TNNI3K: variants seen among roughly 807,000 people sequenced by gnomAD.
The protein encoded by TNNI3K is serine/threonine-protein kinase TNNI3K.
Under a neutral mutation model 114.5 loss-of-function variants are expected in TNNI3K, and 140 were observed. The observed-to-expected ratio is 1.22, with a 90% CI of 1.07 to 1.41. The LOEUF (loss-of-function observed/expected upper bound fraction) is 1.41, where lower values mean the gene tolerates loss of function less well. TNNI3K is among the 40% of genes most tolerant of loss of function. The probability of loss-of-function intolerance (pLI) is 0.00; values close to 1 mark genes in which losing one functional copy is unlikely to be tolerated. For synonymous variants in TNNI3K, 347 were observed against 347.5 expected, an observed-to-expected ratio of 1.00 and a Z score of 0.02; for missense variants, 1,125 against 1,007.6, an observed-to-expected ratio of 1.12 and a Z score of -1.58.
chr1:74,353,957 C>A, intron 10 of TNNI3K, 23 bp from the exon 11 acceptor site: 1 of 1,582,050 alleles, frequency 6.3e-7, no homozygotes, highest in Middle Eastern at 1.7e-4. Context: ...TCCTTTTGTT[C>A]TTTCAATTCT....
In TNNI3K at chr1:74,474,143, A is replaced by G. The variant is rs147380595; in HGVS notation, c.2121+10593A>G. Among the ~76,000 whole-genome samples the G allele has an allele frequency of 6.4e-4, 98 of 152,332 alleles. No homozygotes were observed. In the East Asian group the frequency reaches 7.3e-3, roughly 11 times the overall value. On this transcript the variant is annotated intron_variant, in intron 21 of 24. Transcript: ENST00000326637. ...ACAGACTGGGTTTTAAATGGTTAAA[A>G]GAGCACATCCCCTTCAGTTATAGGA...
intron 21 of TNNI3K, chr1:74,470,048 T>C (rs1667849348): frequency 2.5e-6 from 1 of 400,734 alleles, no homozygotes; most frequent in African/African-American, 2.0e-5. Context: ...GCTTCATGTG[T>C]CTCCACTGTC....
chr1:74,444,835 C>T (rs1219527123), intron 20 of TNNI3K, among the ~76,000 whole-genome samples: 1 of 150,258 alleles, frequency 6.7e-6, no homozygotes, highest in Non-Finnish European at 1.5e-5. Context: ...AAAAAAGACA[C>T]ATAGACCAAT....
chr1:74,489,626 T>A (rs924712069), intron 22 of TNNI3K, among the ~76,000 whole-genome samples: 1 of 152,216 alleles, frequency 6.6e-6, no homozygotes, highest in Non-Finnish European at 1.5e-5. Context: ...TTACATTCAA[T>A]GCGAAAAGAA....
chr1:74,334,010 C>G (rs901752845), intron 6 of TNNI3K, among the ~76,000 whole-genome samples: 3 of 152,180 alleles, frequency 2.0e-5, no homozygotes, highest in Non-Finnish European at 4.4e-5. Flanking sequence ...TGCACATGCT[C>G]CAAGTTGGGG....
chr1:74,430,656 A>G (rs527439383), intron 17 of TNNI3K, among the ~76,000 whole-genome samples: 1 of 152,168 alleles, frequency 6.6e-6, no homozygotes, highest in Non-Finnish European at 1.5e-5. Flanking sequence ...ATTATTGTGG[A>G]GTAATCTGTG....
chr1:74,463,404 G>A, intron 20 of TNNI3K, 37 bp from the exon 21 acceptor site: 1 of 1,608,744 alleles, frequency 6.2e-7, no homozygotes, highest in Non-Finnish European at 8.5e-7. Context: ...AAATAAACAT[G>A]TGAATTTCAA....
chr1:74,542,070 A>G (rs1646733581), intron 24 of TNNI3K, among the ~76,000 whole-genome samples: 1 of 152,202 alleles, frequency 6.6e-6, no homozygotes, highest in Admixed American at 6.5e-5. Flanking sequence ...GTCAAATTTC[A>G]GTTGAGTTCT....
chr1:74,355,516 A>G (rs1661606381), intron 11 of TNNI3K, among the ~76,000 whole-genome samples: 1 of 152,166 alleles, frequency 6.6e-6, no homozygotes, highest in Admixed American at 6.5e-5. Context: ...AGGCAGGAGA[A>G]TCATTTGAAC....
In TNNI3K at chr1:74,452,176, G is replaced by T. The variant is rs145552629; in HGVS notation, c.2012-11265G>T. Among the ~76,000 whole-genome samples the T allele has an allele frequency of 2.9e-3, 440 of 152,158 alleles. 3 individuals are homozygous for T. Among genetic ancestry groups the T allele is most frequent in the African/African-American group, 9.3e-3 (386 of 41,510 alleles). ...ACTCTCAGTATGTTGCATTTCATCT[G>T]ACCTCTAGGCATTTTCACAAGTTCT... On this transcript the variant is annotated intron_variant, in intron 20 of 24. Transcript: ENST00000326637.
Position 74,512,132 on chromosome 1 carries a change from C to T in TNNI3K, c.2351+19866C>T, listed in dbSNP as rs1570724369. On this transcript the variant is annotated intron_variant, in intron 23 of 24. Coordinates refer to ENST00000326637, the MANE Select transcript of TNNI3K (RefSeq NM_015978.3). ...GGGACTGGATATAGCAGCCACCAGT[C>T]TTTATTGAAATAGCCCTGGGGCATG... Among the ~76,000 whole-genome samples the T allele has an allele frequency of 2.0e-5, 3 of 152,134 alleles. No individual in the cohort carries two copies. The South Asian group carries it at 6.2e-4, about 31-fold the overall frequency.
intron 1 of TNNI3K, among the ~76,000 whole-genome samples, chr1:74,235,869 A>G (rs543222233): frequency 9.4e-4 from 143 of 151,554 alleles, no homozygotes; most frequent in Non-Finnish European, 1.8e-3. Context: ...AGTCAAATAT[A>G]TTTTTCTATG....
chr1:74,416,339 A>G (rs565391213), intron 17 of TNNI3K: 1 of 985,232 alleles, frequency 1.0e-6, no homozygotes, highest in East Asian at 1.1e-4. Flanking sequence ...GTGACGGGCT[A>G]CACTAATGAT....
intron 21 of TNNI3K, among the ~76,000 whole-genome samples, chr1:74,485,621 A>G (rs1022102946): frequency 6.6e-6 from 1 of 152,216 alleles, no homozygotes; most frequent in Admixed American, 6.6e-5. Flanking sequence ...ATGTTTCATC[A>G]TATGACTAAA....
rs186162038 is a variant in TNNI3K, at chr1:74,460,098, C to T, written c.2012-3343C>T. Among the ~76,000 whole-genome samples, 275 of 149,480 alleles carry T rather than the reference C, an allele frequency of 1.8e-3. 5 individuals are homozygous for T. The highest frequency in any genetic ancestry group is 0.015 in the Admixed American group (228 of 15,056). On this transcript the variant is annotated intron_variant, in intron 20 of 24. Coordinates refer to ENST00000326637, the MANE Select transcript of TNNI3K (RefSeq NM_015978.3). The stretch of plus-strand genomic sequence containing the variant: ...ATATAACTTTTTTTTTTTTTTGAGA[C>T]GGAGTCTTGCTCTGTCGCCCAGGCT...
At chr1:74,291,455 G>A (rs114956392) in intron 5 of TNNI3K, among the ~76,000 whole-genome samples, 2,137 of 151,586 alleles carry the variant, frequency 0.014, 54 homozygotes, top group African/African-American at 0.05. Flanking sequence ...AAGGTTCTAA[G>A]CACATTATAC....
intron 5 of TNNI3K, among the ~76,000 whole-genome samples, chr1:74,325,780 A>C (rs1659868061): frequency 1.3e-5 from 2 of 152,192 alleles, no homozygotes; most frequent in Non-Finnish European, 2.9e-5. Context: ...GGGGACCATA[A>C]TTGAGAACTG....
chr1:74,466,102 A>T (rs1319124375), intron 21 of TNNI3K, among the ~76,000 whole-genome samples: 1 of 152,236 alleles, frequency 6.6e-6, no homozygotes, highest in East Asian at 1.9e-4. Context: ...CGAACCCACC[A>T]GAAGGAAGAA....
At chr1:74,236,282 T>C (rs1653854616) in intron 2 of TNNI3K, 72 bp downstream of exon 2, 6 of 1,359,998 alleles carry the variant, frequency 4.4e-6, no homozygotes, top group Non-Finnish European at 6.1e-6. Flanking sequence ...AAAGTATCTG[T>C]ATATTTTTTA....
Sources: allele counts gnomAD v4.1 joint callset (sites outside exome capture counted in the v4.1 genomes callset), GRCh38; gene constraint gnomAD v4.1.1; transcripts MANE v1.5; gene names NCBI Gene and HGNC (gene_info 2026-07-23, HGNC 2026-07-21).